LPA: variants seen among roughly 807,000 people sequenced by gnomAD.
LPA encodes the protein lipoprotein(a), also known as apolipoprotein(a).
LPA carries 199 observed loss-of-function variants against 197.9 expected under a neutral mutation model. The ratio of observed to expected loss-of-function variants is 1.01; its 90% CI spans 0.90 to 1.13. The LOEUF is 1.13. Ranked by LOEUF, LPA falls within the 50% of genes most tolerant of loss-of-function variation. The pLI is 0.00. For synonymous variants in LPA, 715 were observed against 639.5 expected (o/e 1.12, Z -1.78); for missense variants, 1,853 against 1,785.8 (o/e 1.04, Z -0.68).
intron 33 of LPA, 96 bp downstream of exon 33, chr6:160,545,344 A>T (rs1778048773): frequency 1.1e-6 from 1 of 889,084 alleles, no homozygotes. Context: ...CCCCAGAAGC[A>T]CTCAGCTCAA....
intron 28 of LPA, among the ~76,000 whole-genome samples, chr6:160,560,727 T>C (rs1778346890): frequency 6.6e-6 from 1 of 151,454 alleles, no homozygotes; most frequent in African/African-American, 2.4e-5. Context: ...TTTTTCTCCA[T>C]AGGTTGCTTT....
At chr6:160,569,853 A>T (rs1456239034) in intron 28 of LPA, among the ~76,000 whole-genome samples, 6 of 152,240 alleles carry the variant, frequency 3.9e-5, no homozygotes, top group African/African-American at 1.4e-4. Flanking sequence ...TCAAAAGAAA[A>T]CTTTTATGCA....
intron 1 of LPA, among the ~76,000 whole-genome samples, chr6:160,653,999 TATATA>T (rs1780064709): frequency 1.3e-4 from 2 of 15,128 alleles, no homozygotes; most frequent in African/African-American, 8.1e-4. Context: ...ATATATATTA[TATATA>T]ATATATATTA....
chr6:160,650,428 T>A lies in LPA; in HGVS notation c.119A>T (p.Tyr40Phe). ...GGTCCTTCCTGTGACAGTGGTGGAG[T>A]ACGTGCCTCGATAACTCTGTCCATC... Reference protein sequence around the residue: ...HGDGQSYRGTYSTTVTGRTCQ... With the variant: ...HGDGQSYRGTFSTTVTGRTCQ... Residue 40 changes from tyrosine (Y) to phenylalanine (F), a missense_variant, in exon 2 of 39, where the codon TAC becomes TTC. Around this residue, in one of 3 missense-constraint regions of LPA, gnomAD observed 88 missense variants for 83.0 expected, o/e 1.06. Transcript: ENST00000316300. The A allele has an allele frequency of 6.2e-7, 1 of 1,613,750 alleles. No individual in the cohort carries two copies. Among genetic ancestry groups the A allele is most frequent in the Non-Finnish European group, 8.5e-7 (1 of 1,179,772 alleles).
chr6:160,594,016 A>G lies in LPA; in HGVS notation c.3571T>C (p.Ser1191Pro), dbSNP rs775707777. 6.2e-7 allele frequency: 1 copy of G among 1,614,002 alleles called. No individual in the cohort carries two copies. The highest frequency in any genetic ancestry group is 8.5e-7 in the Non-Finnish European group (1 of 1,179,900). ...STTVTGRTCQ[S>P]WSSMTPHWHQ... ...CAGTGTGGTGTCATAGAGGACCAAG[A>G]CTGACATGTCCTTCCTGTGACAGTG... Residue 1191 changes from serine to proline, a missense_variant, in exon 22 of 39, where the codon TCT becomes CCT. Coordinates refer to ENST00000316300, the MANE Select transcript of LPA (RefSeq NM_005577.4).
At chr6:160,635,409 T>G in intron 6 of LPA, 105 bp from the exon 7 acceptor site, 1 of 564,740 alleles carries the variant, frequency 1.8e-6, no homozygotes. Flanking sequence ...GGTGCCTTTC[T>G]AATATTCCCA....
At chr6:160,653,970 A>T (rs1429856831) in intron 1 of LPA, among the ~76,000 whole-genome samples, 1 of 20,802 alleles carries the variant, frequency 4.8e-5, no homozygotes, top group South Asian at 1.5e-3. Context: ...TATATATTAT[A>T]TATAATATAT....
chr6:160,606,290 C>A (rs1394176572), intron 17 of LPA, among the ~76,000 whole-genome samples, 187 bp downstream of exon 17: 1 of 152,124 alleles, frequency 6.6e-6, no homozygotes, highest in African/African-American at 2.4e-5. Flanking sequence ...ACAGCCCACC[C>A]AACGTTGTAC....
At chr6:160,656,195 C>A (rs1268425106) in intron 1 of LPA, among the ~76,000 whole-genome samples, 2 of 152,194 alleles carry the variant, frequency 1.3e-5, no homozygotes, top group Non-Finnish European at 2.9e-5. Context: ...GGAATCACCA[C>A]CCCTGCGTCT....
At chr6:160,658,301 C>T (rs1161944636) in intron 1 of LPA, among the ~76,000 whole-genome samples, 1 of 152,170 alleles carries the variant, frequency 6.6e-6, no homozygotes, top group Non-Finnish European at 1.5e-5. Flanking sequence ...TAACAGTAAA[C>T]ACCTGGCAAG....
rs780512843 is a variant in LPA at position 160,589,585 on chromosome 6, C to T, written c.3915G>A (p.Trp1305Ter). 4.3e-6 allele frequency: 7 copies of T among 1,613,708 alleles called. No individual in the cohort carries two copies. The highest frequency in any genetic ancestry group is 1.7e-5 in the Admixed American group (1 of 60,002). ...CQSWSSMTPHWHQRTTEYYPN... is the reference protein window; with the variant it reads ...CQSWSSMTPH ...GGTAGTATTCTGTGGTTCTCTGATG[C>T]CAGTGTGGTGTCATAGAGGACCAAG... The change falls in exon 24 of 39, where the codon TGG (tryptophan) becomes TGA (stop). Residue 1305 changes from tryptophan to a stop codon, truncating the protein, a stop_gained. Transcript: ENST00000316300. LOFTEE classifies it high-confidence loss of function.
chr6:160,607,434 A>G (rs1172203114), intron 16 of LPA, among the ~76,000 whole-genome samples: 2 of 152,140 alleles, frequency 1.3e-5, no homozygotes, highest in Admixed American at 6.5e-5. Flanking sequence ...AAGGGGGATG[A>G]GTTGAAAGAA....
intron 21 of LPA, among the ~76,000 whole-genome samples, chr6:160,594,907 A>G (rs1414464147): frequency 2.0e-5 from 3 of 152,210 alleles, no homozygotes; most frequent in Non-Finnish European, 4.4e-5. Flanking sequence ...AAGAAAAGTC[A>G]TATTAGGTTT....
intron 18 of LPA, among the ~76,000 whole-genome samples, chr6:160,603,259 TGC>T (rs1468956190): frequency 9.9e-5 from 15 of 151,424 alleles, no homozygotes; most frequent in East Asian, 3.9e-4. Flanking sequence ...TGTGTGTGTG[TGC>T]GTGCATGTTT....
At chr6:160,589,739 CTG>C in intron 23 of LPA, 27 bp from the exon 24 acceptor site, 2 of 1,613,236 alleles carry the variant, frequency 1.2e-6, no homozygotes, top group Non-Finnish European at 1.7e-6. Flanking sequence ...AGAAAACAAA[CTG>C]AGTAATTTCC....
At chr6:160,545,373 T>TTG in intron 33 of LPA, 67 bp downstream of exon 33, 15 of 1,203,222 alleles carry the variant, frequency 1.2e-5, no homozygotes, top group South Asian at 8.5e-5. Context: ...TTCTGTTTTT[T>TTG]TTGCTTTTTT....
chr6:160,582,472 CT>C (rs1261515983), intron 26 of LPA, among the ~76,000 whole-genome samples: 2 of 151,690 alleles, frequency 1.3e-5, no homozygotes, highest in African/African-American at 2.4e-5. Flanking sequence ...CTGATTTGAT[CT>C]TTTTTTCTTC....
In LPA at chr6:160,584,255, C is replaced by CTCT. The variant is rs1203808624; in HGVS notation, c.4289+790_4289+791insAGA. On this transcript the variant is annotated intron_variant, in intron 26 of 38. Transcript: ENST00000316300. Reference sequence around the variant, plus strand: ...CTTCTTCTTCCTCCTCCTCCTCCTCCTCCTCTTCCTCTTCCTCTTCTTCTT... The same window carrying CTCT: ...CTTCTTCTTCCTCCTCCTCCTCCTCCTCTTCCTCTTCCTCTTCCTCTTCTTCTT... Among the ~76,000 whole-genome samples the CTCT allele has an allele frequency of 9.2e-4, 123 of 133,956 alleles. 2 individuals carry two copies. The highest frequency in any genetic ancestry group is 2.9e-3 in the African/African-American group (101 of 35,374). 87.9% of individuals were successfully genotyped at this position (133,956 alleles called of 152,430 possible).
At chr6:160,596,242 T>C (rs560324399) in intron 20 of LPA, among the ~76,000 whole-genome samples, 1 of 152,338 alleles carries the variant, frequency 6.6e-6, no homozygotes, top group South Asian at 2.1e-4. Context: ...CTGTCATTTG[T>C]TTAGCCAGAC....
Sources: allele counts gnomAD v4.1 joint callset (sites outside exome capture counted in the v4.1 genomes callset), GRCh38; gene constraint gnomAD v4.1.1; regional missense constraint gnomAD v4.1.1; transcripts MANE v1.5; gene names NCBI Gene and HGNC (gene_info 2026-07-23, HGNC 2026-07-21).